GRIK2: variants seen among roughly 807,000 people sequenced by gnomAD.
The protein encoded by GRIK2 is glutamate receptor ionotropic, kainate 2.
GRIK2 carries 32 observed loss-of-function variants against 100.3 expected under a neutral mutation model. The observed-to-expected ratio is 0.32, with a 90% CI of 0.24 to 0.43. The LOEUF (loss-of-function observed/expected upper bound fraction) is 0.43. GRIK2 is among the 20% of genes least tolerant of loss of function. GRIK2 has a pLI of 1.00. For missense variants in GRIK2, 843 were observed against 1,114.9 expected, an observed-to-expected ratio of 0.76 and a Z score of 3.47; for synonymous variants, 417 against 389.4, an observed-to-expected ratio of 1.07 and a Z score of -0.83.
At chr6:101,844,587 T>A (rs565349938) in intron 10 of GRIK2, among the ~76,000 whole-genome samples, 1 of 152,312 alleles carries the variant, frequency 6.6e-6, no homozygotes, top group East Asian at 1.9e-4. Flanking sequence ...TTGCTAGTTT[T>A]AAATAATTTG....
At position 101,437,073 on chromosome 6, in the gene GRIK2, A is replaced by G. The variant is rs557845123; in HGVS notation, c.115+37681A>G. Among the ~76,000 whole-genome samples the G allele has an allele frequency of 2.5e-3, 376 of 151,966 alleles. 1 individual carries two copies. The highest frequency in any genetic ancestry group is 4.0e-3 in the Non-Finnish European group (270 of 67,872). ...TATTTTGTAAACAAATTAAAATATTAAAACTCACAGTGTCCTTACTACAGC... is the reference window on the plus strand; with the variant it reads ...TATTTTGTAAACAAATTAAAATATTGAAACTCACAGTGTCCTTACTACAGC... On this transcript the variant is annotated intron_variant, in intron 2 of 16. Transcript: ENST00000369134.
chr6:101,999,983 G>A (rs1794850307), intron 14 of GRIK2, among the ~76,000 whole-genome samples: 1 of 151,898 alleles, frequency 6.6e-6, no homozygotes, highest in Admixed American at 6.6e-5. Context: ...TAATGTTAAA[G>A]CAACCTTGTA....
In GRIK2 at chr6:101,873,129, G is replaced by A. The variant is rs200550824; in HGVS notation, c.1524+13636G>A. Among the ~76,000 whole-genome samples, 4 of 151,976 alleles carry A rather than the reference G, an allele frequency of 2.6e-5. No individual in the cohort carries two copies. The South Asian group carries it at 6.2e-4, about 24-fold the overall frequency. On this transcript the variant is annotated intron_variant, in intron 11 of 16. Transcript: ENST00000369134. ...TTTAAATTATACATTAAGTTCTAGG[G>A]TACATGTGCACAACGTGCAGGTTTG...
chr6:101,581,316 A>G (rs1250169140), intron 2 of GRIK2, among the ~76,000 whole-genome samples: 1 of 151,728 alleles, frequency 6.6e-6, no homozygotes, highest in African/African-American at 2.4e-5. Context: ...ATACATATGT[A>G]TATGTATATA....
intron 2 of GRIK2, among the ~76,000 whole-genome samples, chr6:101,436,469 G>A (rs1011124268): frequency 3.9e-4 from 60 of 151,996 alleles, no homozygotes; most frequent in African/African-American, 1.4e-3. Flanking sequence ...TAAGAAAAAT[G>A]TTCTGTAGCA....
intron 15 of GRIK2, among the ~76,000 whole-genome samples, chr6:102,038,405 C>T (rs1050826927): frequency 4.0e-5 from 6 of 151,284 alleles, no homozygotes; most frequent in East Asian, 3.9e-4. Context: ...GGGTTTGCAT[C>T]GTCTGGATGA....
intron 2 of GRIK2, among the ~76,000 whole-genome samples, chr6:101,401,787 C>G (rs2787572): frequency 0.29 from 43,880 of 152,152 alleles, 6,625 homozygotes; most frequent in African/African-American, 0.36. Flanking sequence ...CTCAAAAGTC[C>G]AGCCAGTGCC....
At chr6:101,691,353 G>A (rs1030556279) in intron 7 of GRIK2, among the ~76,000 whole-genome samples, 1 of 150,192 alleles carries the variant, frequency 6.7e-6, no homozygotes, top group African/African-American at 2.5e-5. Flanking sequence ...AGGCTGGAGT[G>A]CAATGACAGT....
intron 2 of GRIK2, among the ~76,000 whole-genome samples, chr6:101,579,071 T>C: frequency 6.6e-6 from 1 of 152,122 alleles, no homozygotes. Context: ...ATGTGTGTAC[T>C]TAGACCAACA....
At chr6:102,028,384 A>C (rs7741394) in intron 14 of GRIK2, among the ~76,000 whole-genome samples, 58,888 of 151,016 alleles carry the variant, frequency 0.39, 12,247 homozygotes, top group African/African-American at 0.54. Context: ...GCTGATGTAG[A>C]AAAAAACAAA....
chr6:101,407,883 T>G (rs924441867), intron 2 of GRIK2, among the ~76,000 whole-genome samples: 2 of 152,068 alleles, frequency 1.3e-5, no homozygotes, highest in Non-Finnish European at 2.9e-5. Flanking sequence ...CGGGCTTAAG[T>G]TTTTCCAGAA....
chr6:101,402,323 G>A (rs991878331), intron 2 of GRIK2, among the ~76,000 whole-genome samples: 5 of 152,150 alleles, frequency 3.3e-5, no homozygotes, highest in African/African-American at 1.2e-4. Context: ...CGCCCTCCGG[G>A]TGCATTTGGC....
intron 10 of GRIK2, among the ~76,000 whole-genome samples, chr6:101,822,041 C>A (rs1781987953): frequency 6.6e-6 from 1 of 152,054 alleles, no homozygotes; most frequent in African/African-American, 2.4e-5. Context: ...CTCTATTTCT[C>A]ATGAATTCTA....
intron 2 of GRIK2, among the ~76,000 whole-genome samples, chr6:101,551,228 G>A (rs1037043633): frequency 2.0e-5 from 3 of 152,122 alleles, no homozygotes; most frequent in Non-Finnish European, 4.4e-5. Flanking sequence ...TCAGCTGACT[G>A]TTTAAGGTAT....
chr6:101,932,120 C>T (rs1790327225), intron 14 of GRIK2, among the ~76,000 whole-genome samples: 1 of 151,896 alleles, frequency 6.6e-6, no homozygotes, highest in African/African-American at 2.4e-5. Context: ...ACATGTTTTA[C>T]AAAATGATAC....
intron 14 of GRIK2, among the ~76,000 whole-genome samples, chr6:101,958,965 A>G (rs78568577): frequency 0.014 from 2,167 of 152,178 alleles, 55 homozygotes; most frequent in African/African-American, 0.05. Context: ...TACATTCATC[A>G]GGGATATTGG....
chr6:101,939,309 A>G (rs554320359), intron 14 of GRIK2, among the ~76,000 whole-genome samples: 1 of 151,982 alleles, frequency 6.6e-6, no homozygotes, highest in Non-Finnish European at 1.5e-5. Flanking sequence ...AATCGAGAGT[A>G]TATGTCTTAT....
At chr6:101,705,517 G>A (rs1050963639) in intron 7 of GRIK2, among the ~76,000 whole-genome samples, 1 of 151,644 alleles carries the variant, frequency 6.6e-6, no homozygotes, top group Non-Finnish European at 1.5e-5. Flanking sequence ...TTCTTTTAAT[G>A]ACTGTATCTT....
intron 2 of GRIK2, among the ~76,000 whole-genome samples, chr6:101,615,598 A>G (rs1779854589): frequency 6.6e-6 from 1 of 151,828 alleles, no homozygotes; most frequent in African/African-American, 2.4e-5. Context: ...CAGGAGAGCA[A>G]TTATCTCTTC....
Sources: gnomAD v4.1 joint callset for allele counts (sites outside exome capture counted in the v4.1 genomes callset) on GRCh38, gnomAD v4.1.1 for gene constraint, MANE v1.5 for transcripts, NCBI Gene and HGNC (gene_info 2026-07-23, HGNC 2026-07-21) for gene names.